UQCC1: variants seen among roughly 807,000 people sequenced by gnomAD.
UQCC1 encodes ubiquinol-cytochrome c reductase complex assembly factor 1, also known as bFGF-repressed Zic-binding protein.
In UQCC1, 38 loss-of-function variants were observed where a neutral mutation model predicts 48.0. The observed-to-expected ratio is 0.79, with a 90% CI of 0.61 to 1.04. UQCC1 has a LOEUF of 1.04. Among genes scored for constraint, UQCC1 ranks in the 50% least tolerant of loss-of-function variants. UQCC1 has a pLI of 0.00. For synonymous variants in UQCC1, 111 were observed against 129.2 expected, an observed-to-expected ratio of 0.86 and a Z score of 0.95; for missense variants, 368 against 381.8, an observed-to-expected ratio of 0.96 and a Z score of 0.30.
At chr20:35,340,662 G>T (rs2061367212) in intron 7 of UQCC1, among the ~76,000 whole-genome samples, 1 of 152,100 alleles carries the variant, frequency 6.6e-6, no homozygotes, top group Admixed American at 6.6e-5. Context: ...TTTTATTTTT[G>T]TAAAGATGGG....
At chr20:35,387,883 G>A (rs1253849950) in intron 2 of UQCC1, among the ~76,000 whole-genome samples, 1 of 151,522 alleles carries the variant, frequency 6.6e-6, no homozygotes, top group Non-Finnish European at 1.5e-5. Context: ...AACAAAAATA[G>A]CAATTGCAAC....
intron 6 of UQCC1, among the ~76,000 whole-genome samples, chr20:35,361,654 A>G (rs1395377630): frequency 1.3e-5 from 2 of 152,222 alleles, no homozygotes; most frequent in Non-Finnish European, 2.9e-5. Context: ...AAGCAACTTA[A>G]TGCTTTCAGT....
intron 4 of UQCC1, among the ~76,000 whole-genome samples, chr20:35,377,028 G>A (rs2061810292): frequency 6.6e-6 from 1 of 151,602 alleles, no homozygotes; most frequent in Admixed American, 6.6e-5. Context: ...CACAAACTCT[G>A]CCAGAAAACA....
At chr20:35,328,630 C>T (rs149458393) in intron 7 of UQCC1, among the ~76,000 whole-genome samples, 1 of 152,290 alleles carries the variant, frequency 6.6e-6, no homozygotes, top group Non-Finnish European at 1.5e-5. Flanking sequence ...TGTGAGCACT[C>T]TCAACTACTC....
chr20:35,317,924 A>AGTGCT (rs1568652401), intron 7 of UQCC1, among the ~76,000 whole-genome samples: 1 of 151,510 alleles, frequency 6.6e-6, no homozygotes, highest in Non-Finnish European at 1.5e-5. Context: ...TCTTCCAGAA[A>AGTGCT]GGGGTAAAGG....
intron 1 of UQCC1, among the ~76,000 whole-genome samples, chr20:35,403,471 C>T (rs1347711349): frequency 6.6e-6 from 1 of 152,170 alleles, no homozygotes; most frequent in Non-Finnish European, 1.5e-5. Flanking sequence ...GAACTAGTCT[C>T]CTCAGGAGAC....
At chr20:35,351,581 G>A (rs1340570154) in intron 6 of UQCC1, among the ~76,000 whole-genome samples, 3 of 152,104 alleles carry the variant, frequency 2.0e-5, no homozygotes, top group Non-Finnish European at 2.9e-5. Flanking sequence ...CTGAAAAGAC[G>A]CTGTGTGTTT....
intron 1 of UQCC1, 45 bp downstream of exon 1, chr20:35,411,895 C>A: frequency 6.2e-7 from 1 of 1,613,942 alleles, no homozygotes; most frequent in Non-Finnish European, 8.5e-7. Flanking sequence ...CGAACTCCAA[C>A]CCGGGACCCA....
At chr20:35,333,267 G>T (rs2061277846) in intron 7 of UQCC1, among the ~76,000 whole-genome samples, 1 of 152,150 alleles carries the variant, frequency 6.6e-6, no homozygotes, top group Non-Finnish European at 1.5e-5. Context: ...AAGGTAATTT[G>T]TAAGGATTAA....
At chr20:35,356,710 TC>T (rs1272464773) in intron 6 of UQCC1, among the ~76,000 whole-genome samples, 2 of 152,202 alleles carry the variant, frequency 1.3e-5, no homozygotes, top group Admixed American at 6.5e-5. Flanking sequence ...GATCCCAGAG[TC>T]CTACGAAGGT....
At position 35,308,236 on chromosome 20, in the gene UQCC1, G is replaced by A. The variant is rs192406592; in HGVS notation, c.652-1457C>T. Among the ~76,000 whole-genome samples the A allele has an allele frequency of 4.5e-3, 680 of 152,342 alleles. 5 individuals are homozygous for A. The highest frequency in any genetic ancestry group is 5.8e-3 in the Non-Finnish European group (397 of 68,034). The stretch of plus-strand genomic sequence containing the variant: ...TGCTCTCTGATAAACCCTCCTTACG[G>A]TTCCACAGCTTAGGACTGTCCTGGC... On this transcript the variant is annotated intron_variant, in intron 8 of 9. Coordinates refer to ENST00000374385, the MANE Select transcript of UQCC1 (RefSeq NM_018244.5).
chr20:35,354,541 T>C (rs1261968240), intron 6 of UQCC1, among the ~76,000 whole-genome samples: 1 of 152,022 alleles, frequency 6.6e-6, no homozygotes, highest in Admixed American at 6.6e-5. Context: ...GGACTACAGG[T>C]GCCCGCCACC....
intron 1 of UQCC1, among the ~76,000 whole-genome samples, chr20:35,403,238 C>T (rs2062195059): frequency 6.6e-6 from 1 of 151,966 alleles, no homozygotes; most frequent in South Asian, 2.1e-4. Context: ...ACAAATATGG[C>T]AAGGCAAAAG....
chr20:35,396,583 G>A (rs2062082179), intron 1 of UQCC1, among the ~76,000 whole-genome samples: 1 of 152,142 alleles, frequency 6.6e-6, no homozygotes, highest in South Asian at 2.1e-4. Context: ...GGAAACTAGG[G>A]TAGAAGTTTT....
chr20:35,409,526 CT>C (rs1183846879), intron 1 of UQCC1: 16 of 168,852 alleles, frequency 9.5e-5, no homozygotes, highest in South Asian at 4.1e-4. Context: ...TTTACCACAA[CT>C]TTTTTTTAAT....
intron 6 of UQCC1, among the ~76,000 whole-genome samples, chr20:35,350,134 TTTTTAA>T (rs1257191984): frequency 3.3e-5 from 5 of 152,228 alleles, no homozygotes; most frequent in African/African-American, 1.2e-4. Flanking sequence ...AAGTTTTGTT[TTTTTAA>T]TTTTAGAGAC....
chr20:35,384,992 A>G (rs1367948289), intron 2 of UQCC1, among the ~76,000 whole-genome samples: 2 of 140,320 alleles, frequency 1.4e-5, no homozygotes, highest in African/African-American at 5.2e-5. Flanking sequence ...AAAAAAAAAA[A>G]AGAATTCAGC....
intron 2 of UQCC1, among the ~76,000 whole-genome samples, chr20:35,390,060 A>C (rs2064353567): frequency 6.6e-6 from 1 of 152,356 alleles, no homozygotes; most frequent in African/African-American, 2.4e-5. Context: ...AAGTGAAATA[A>C]GCATGTGCCA....
intron 7 of UQCC1, among the ~76,000 whole-genome samples, chr20:35,326,341 T>C (rs191570295): frequency 3.3e-5 from 5 of 152,358 alleles, no homozygotes; most frequent in African/African-American, 9.6e-5. Flanking sequence ...ATGCAAGTTA[T>C]ATGCAATCAT....
Sources: gnomAD v4.1 joint callset for allele counts (sites outside exome capture counted in the v4.1 genomes callset) on GRCh38, gnomAD v4.1.1 for gene constraint, MANE v1.5 for transcripts, NCBI Gene and HGNC (gene_info 2026-07-23, HGNC 2026-07-21) for gene names.